NKAIN1: variants seen among roughly 807,000 people sequenced by gnomAD.
The protein encoded by NKAIN1 is sodium/potassium-transporting ATPase subunit beta-1-interacting protein 1.
A neutral mutation model predicts 31.6 loss-of-function variants in NKAIN1; 13 were observed. That is an observed-to-expected ratio of 0.41 (90% confidence interval 0.27 to 0.65). The LOEUF (loss-of-function observed/expected upper bound fraction) is 0.65, where lower values mean the gene tolerates loss of function less well. Ranked by LOEUF, NKAIN1 falls within the 30% of genes least tolerant of loss-of-function variation. The pLI is 0.30. For missense variants in NKAIN1, 193 were observed against 262.2 expected, an observed-to-expected ratio of 0.74 and a Z score of 1.82; for synonymous variants, 104 against 109.0, an observed-to-expected ratio of 0.95 and a Z score of 0.28.
At chr1:31,201,520 G>A (rs1348160481) in intron 1 of NKAIN1, among the ~76,000 whole-genome samples, 6 of 75,290 alleles carry the variant, frequency 8.0e-5, no homozygotes, top group Non-Finnish European at 1.6e-4. Flanking sequence ...CACCATGCCC[G>A]GCTAATTTTT....
At position 31,193,407 on chromosome 1, in the gene NKAIN1, C is replaced by G. The variant is rs1243882072; in HGVS notation, c.55-5220G>C. Reference sequence around the variant, plus strand: ...AAAGTTATTATTTTTTATTAGAAAACCAAGTCAAGGCCGGTGCAGTGGCTC... The same window carrying G: ...AAAGTTATTATTTTTTATTAGAAAAGCAAGTCAAGGCCGGTGCAGTGGCTC... On this transcript the variant is annotated intron_variant, in intron 1 of 6. Coordinates refer to ENST00000373736, the MANE Select transcript of NKAIN1 (RefSeq NM_024522.3). 2.6e-5 allele frequency among the ~76,000 whole-genome samples: 4 copies of G among 151,624 alleles called. No homozygotes were observed. The East Asian group carries it at 5.9e-4, about 23-fold the overall frequency.
chr1:31,231,229 G>A (rs966520200), intron 1 of NKAIN1, among the ~76,000 whole-genome samples: 4 of 150,942 alleles, frequency 2.7e-5, no homozygotes, highest in South Asian at 4.2e-4. Context: ...TAGTCACACT[G>A]TTGTGCTATC....
At chr1:31,195,192 A>C (rs1167968865) in intron 1 of NKAIN1, among the ~76,000 whole-genome samples, 1 of 133,304 alleles carries the variant, frequency 7.5e-6, no homozygotes, top group Non-Finnish European at 1.5e-5. Flanking sequence ...ATCTAGGCCC[A>C]CTTGCAACCT....
At chr1:31,191,150 G>T (rs1454725806) in intron 1 of NKAIN1, among the ~76,000 whole-genome samples, 1 of 152,176 alleles carries the variant, frequency 6.6e-6, no homozygotes, top group East Asian at 1.9e-4. Flanking sequence ...AGTTAGCTGG[G>T]TGTGGTGGCA....
chr1:31,218,625 A>G (rs1645536208), intron 1 of NKAIN1, among the ~76,000 whole-genome samples: 1 of 152,184 alleles, frequency 6.6e-6, no homozygotes, highest in African/African-American at 2.4e-5. Flanking sequence ...CCATCACCTC[A>G]TGCTGCTGGG....
At chr1:31,213,557 G>A (rs1645487000) in intron 1 of NKAIN1, among the ~76,000 whole-genome samples, 1 of 152,210 alleles carries the variant, frequency 6.6e-6, no homozygotes. Flanking sequence ...ATGCGGCCCT[G>A]CATTTCTTCT....
rs3046278 is a variant in NKAIN1 at position 31,183,436 on chromosome 1, C to CTTTTTTTTTTTTTTTTTTT, written c.471+362_471+380dup. 6.6e-5 allele frequency among the ~76,000 whole-genome samples: 7 copies of CTTTTTTTTTTTTTTTTTTT among 106,718 alleles called. 1 individual carries two copies. The highest frequency in any genetic ancestry group is 3.4e-4 in the African/African-American group (6 of 17,878). 70.0% of individuals were successfully genotyped at this position (106,718 alleles called of 152,430 possible). On this transcript the variant is annotated intron_variant, in intron 4 of 6. Transcript: ENST00000373736. Reference sequence around the variant, plus strand: ...GGCGGAAGACCTAGGTTCATTCCCTCTTTTTTTTTTTTTTTTTTTTTTTTT... The same window carrying CTTTTTTTTTTTTTTTTTTT: ...GGCGGAAGACCTAGGTTCATTCCCTCTTTTTTTTTTTTTTTTTTTTTTTTTTTTTTTTTTTTTTTTTTTT...
intron 1 of NKAIN1, among the ~76,000 whole-genome samples, chr1:31,237,963 A>G (rs1372135839): frequency 6.6e-6 from 1 of 152,214 alleles, no homozygotes; most frequent in Non-Finnish European, 1.5e-5. Context: ...TTGGCATTTC[A>G]TGTTCCTCAA....
chr1:31,186,488 A>T (rs1242215736), intron 2 of NKAIN1, among the ~76,000 whole-genome samples: 5 of 148,248 alleles, frequency 3.4e-5, no homozygotes, highest in African/African-American at 1.2e-4. Flanking sequence ...CAAAAGAGAC[A>T]GGAGGTTATC....
chr1:31,225,255 T>C (rs1365854130), intron 1 of NKAIN1, among the ~76,000 whole-genome samples: 2 of 150,260 alleles, frequency 1.3e-5, no homozygotes, highest in Non-Finnish European at 3.0e-5. Context: ...CTTGATCTCC[T>C]GATCTCATGA....
At chr1:31,182,666 C>G in intron 4 of NKAIN1, 76 bp from the exon 5 acceptor site, 1 of 1,532,080 alleles carries the variant, frequency 6.5e-7, no homozygotes, top group Admixed American at 1.7e-5. Context: ...GGGCCCTGTA[C>G]GCTCTGACTG....
In NKAIN1 at chr1:31,193,063, AT is replaced by A. The variant is rs1553162034; in HGVS notation, c.55-4877del. ...CAATCTCAATTTTATTTTATTATTT[AT>A]TTTTTTATTTTTTTATTTTTTTGAG... On this transcript the variant is annotated intron_variant, in intron 1 of 6. Coordinates refer to ENST00000373736, the MANE Select transcript of NKAIN1 (RefSeq NM_024522.3). Among the ~76,000 whole-genome samples, 8 of 46,160 alleles carry A rather than the reference AT, an allele frequency of 1.7e-4. No individual in the cohort carries two copies. In the South Asian group the frequency reaches 2.4e-3, roughly 14 times the overall value. 30.3% of individuals were successfully genotyped at this position (46,160 alleles called of 152,430 possible).
intron 2 of NKAIN1, 76 bp downstream of exon 2, chr1:31,187,974 T>C: frequency 1.4e-6 from 2 of 1,466,404 alleles, no homozygotes; most frequent in Non-Finnish European, 1.8e-6. Flanking sequence ...AGTTCTGGTT[T>C]TGAGGAGCAG....
Position 31,201,358 on chromosome 1 carries a change from C to T in NKAIN1, c.55-13171G>A, listed in dbSNP as rs558415621. On this transcript the variant is annotated intron_variant, in intron 1 of 6. Transcript: ENST00000373736. ...TCATGTCACACCTTTTAATCCTACC[C>T]TATTTTTTTTTTTTTTTTGAGACGG... is the stretch of plus-strand genomic sequence containing the variant. Among the ~76,000 whole-genome samples, 197 of 120,402 alleles carry T rather than the reference C, an allele frequency of 1.6e-3. 1 individual carries two copies. The highest frequency in any genetic ancestry group is 5.1e-3 in the African/African-American group (190 of 37,504). The allele number at this position is 120,402 out of a possible 152,430, so 79.0% of individuals were successfully genotyped here.
chr1:31,230,699 T>C (rs2148367618), intron 1 of NKAIN1, among the ~76,000 whole-genome samples: 1 of 152,210 alleles, frequency 6.6e-6, no homozygotes, highest in South Asian at 2.1e-4. Context: ...GGATCTAGTG[T>C]TCAATTTAAA....
chr1:31,185,196 G>A (rs1645233164), intron 3 of NKAIN1, 51 bp downstream of exon 3: 10 of 1,453,402 alleles, frequency 6.9e-6, no homozygotes, highest in Non-Finnish European at 9.5e-6. Flanking sequence ...TAGGGCAGGG[G>A]ATGGGAATGG....
intron 1 of NKAIN1, among the ~76,000 whole-genome samples, chr1:31,216,874 G>T (rs1043777085): frequency 2.7e-5 from 4 of 150,826 alleles, no homozygotes; most frequent in Non-Finnish European, 1.5e-5. Flanking sequence ...TTGTATTTTT[G>T]TGTGTGTGTG....
At chr1:31,217,208 A>G (rs1409445477) in intron 1 of NKAIN1, among the ~76,000 whole-genome samples, 1 of 151,934 alleles carries the variant, frequency 6.6e-6, no homozygotes, top group African/African-American at 2.4e-5. Context: ...TCTGTTGCCC[A>G]GGTTGGAGTG....
At chr1:31,210,847 C>G (rs1645463124) in intron 1 of NKAIN1, among the ~76,000 whole-genome samples, 1 of 152,178 alleles carries the variant, frequency 6.6e-6, no homozygotes, top group African/African-American at 2.4e-5. Context: ...TGTTGTGAGT[C>G]CTCTCCATTC....
Sources: gnomAD v4.1 joint callset for allele counts (sites outside exome capture counted in the v4.1 genomes callset) on GRCh38, gnomAD v4.1.1 for gene constraint, MANE v1.5 for transcripts, NCBI Gene and HGNC (gene_info 2026-07-23, HGNC 2026-07-21) for gene names.